EBF1: variants seen among roughly 807,000 people sequenced by gnomAD.
EBF1 encodes the protein transcription factor COE1.
EBF1 carries 10 observed loss-of-function variants against 68.4 expected under a neutral mutation model. That is an observed-to-expected ratio of 0.15 (90% CI 0.09 to 0.25). The LOEUF (loss-of-function observed/expected upper bound fraction) is 0.25. EBF1 is among the 10% of genes least tolerant of loss of function. The pLI is 1.00. For missense variants in EBF1, 509 were observed against 794.4 expected, an observed-to-expected ratio of 0.64 and a Z score of 4.32; for synonymous variants, 298 against 299.8, an observed-to-expected ratio of 0.99 and a Z score of 0.06.
intron 6 of EBF1, among the ~76,000 whole-genome samples, chr5:158,949,346 G>A (rs1003203706): frequency 2.0e-5 from 3 of 152,082 alleles, no homozygotes. Context: ...TTTTCATTAT[G>A]GGCAAGGTGC....
intron 12 of EBF1, 122 bp from the exon 13 acceptor site, chr5:158,713,269 C>A: frequency 1.2e-6 from 1 of 840,904 alleles, no homozygotes; most frequent in Non-Finnish European, 1.6e-6. Flanking sequence ...ACTTCTGTGA[C>A]CCTCATGACA....
chr5:158,741,445 T>G (rs557834401), intron 10 of EBF1, among the ~76,000 whole-genome samples: 82 of 152,086 alleles, frequency 5.4e-4, no homozygotes, highest in African/African-American at 1.7e-3. Context: ...CATGGTGGTA[T>G]ATGACTGTGG....
At chr5:158,699,574 A>G (rs963289330) in intron 15 of EBF1, among the ~76,000 whole-genome samples, 1 of 152,206 alleles carries the variant, frequency 6.6e-6, no homozygotes, top group African/African-American at 2.4e-5. Context: ...TTCTACAAAA[A>G]ACTTGGCATT....
chr5:158,982,129 C>G (rs1758023184), intron 6 of EBF1, among the ~76,000 whole-genome samples: 1 of 152,158 alleles, frequency 6.6e-6, no homozygotes, highest in African/African-American at 2.4e-5. Context: ...AAACTACACG[C>G]TAATTGAAAC....
intron 5 of EBF1, among the ~76,000 whole-genome samples, chr5:159,075,051 T>C (rs886909530): frequency 1.3e-5 from 2 of 152,196 alleles, no homozygotes; most frequent in African/African-American, 2.4e-5. Flanking sequence ...CTTCTCAGAA[T>C]AGTATAGTGG....
At chr5:158,999,664 G>T (rs1762135017) in intron 6 of EBF1, among the ~76,000 whole-genome samples, 1 of 152,136 alleles carries the variant, frequency 6.6e-6, no homozygotes, top group African/African-American at 2.4e-5. Flanking sequence ...GTTGCTGATG[G>T]TCTCAAAATT....
At chr5:158,705,410 C>T (rs1181112520) in intron 15 of EBF1, among the ~76,000 whole-genome samples, 1 of 152,226 alleles carries the variant, frequency 6.6e-6, no homozygotes, top group Non-Finnish European at 1.5e-5. Context: ...GTGAATCCAG[C>T]ACAAGGTGTG....
At position 158,883,463 on chromosome 5, in the gene EBF1, C is replaced by T. The variant is rs150628176; in HGVS notation, c.555-43353G>A. 6.4e-3 allele frequency among the ~76,000 whole-genome samples: 965 copies of T among 150,782 alleles called. 8 individuals are homozygous for T. Among genetic ancestry groups the T allele is most frequent in the Non-Finnish European group, 0.01 (711 of 67,878 alleles). On this transcript the variant is annotated intron_variant, in intron 6 of 15. Coordinates refer to ENST00000313708, the MANE Select transcript of EBF1 (RefSeq NM_024007.5). ...ACATACACATATCAGTATAAAGAAACGCATACCCAGGTGATGCAGAGAGTT... is the reference window on the plus strand; with the variant it reads ...ACATACACATATCAGTATAAAGAAATGCATACCCAGGTGATGCAGAGAGTT...
chr5:158,998,859 A>G (rs1051848194), intron 6 of EBF1, among the ~76,000 whole-genome samples: 12 of 152,164 alleles, frequency 7.9e-5, no homozygotes, highest in African/African-American at 2.9e-4. Flanking sequence ...GACTTGATCA[A>G]ACAGATCTTT....
intron 6 of EBF1, among the ~76,000 whole-genome samples, chr5:159,028,294 C>T (rs1463598501): frequency 6.6e-6 from 1 of 152,154 alleles, no homozygotes; most frequent in Non-Finnish European, 1.5e-5. Context: ...TATCCAGGAA[C>T]TTGGTGACAA....
chr5:159,046,876 T>C (rs1772514662), intron 6 of EBF1, among the ~76,000 whole-genome samples: 1 of 152,200 alleles, frequency 6.6e-6, no homozygotes, highest in Non-Finnish European at 1.5e-5. Context: ...GCTACCAATG[T>C]GATATCACTG....
At chr5:158,837,576 A>C (rs1789097209) in intron 7 of EBF1, among the ~76,000 whole-genome samples, 1 of 152,238 alleles carries the variant, frequency 6.6e-6, no homozygotes, top group Admixed American at 6.5e-5. Flanking sequence ...CCTTTCTACT[A>C]AACAAAGAAT....
At chr5:159,040,268 C>G (rs762166019) in intron 6 of EBF1, among the ~76,000 whole-genome samples, 1 of 152,084 alleles carries the variant, frequency 6.6e-6, no homozygotes, top group African/African-American at 2.4e-5. Flanking sequence ...AAAGAGGAAG[C>G]GCTTAAATAT....
At chr5:158,863,425 T>G (rs1795310392) in intron 6 of EBF1, among the ~76,000 whole-genome samples, 1 of 152,320 alleles carries the variant, frequency 6.6e-6, no homozygotes, top group African/African-American at 2.4e-5. Flanking sequence ...GAGAGTAAGA[T>G]CCTCGAAGAT....
At chr5:159,085,949 C>G (rs769547902) in intron 4 of EBF1, among the ~76,000 whole-genome samples, 1 of 151,978 alleles carries the variant, frequency 6.6e-6, no homozygotes, top group African/African-American at 2.4e-5. Flanking sequence ...TATCTGATCC[C>G]GTTACAAAAT....
intron 15 of EBF1, among the ~76,000 whole-genome samples, 175 bp from the exon 16 acceptor site, chr5:158,699,317 G>A (rs1341711075): frequency 2.0e-5 from 3 of 151,838 alleles, no homozygotes; most frequent in African/African-American, 7.3e-5. Flanking sequence ...ATATACATGT[G>A]CTTTATTAAA....
intron 7 of EBF1, among the ~76,000 whole-genome samples, chr5:158,839,350 T>G (rs1789634030): frequency 6.6e-6 from 1 of 152,152 alleles, no homozygotes; most frequent in Non-Finnish European, 1.5e-5. Context: ...TTTTACCAGT[T>G]GTACTCTTTA....
At chr5:158,958,338 A>G (rs967207737) in intron 6 of EBF1, among the ~76,000 whole-genome samples, 3 of 151,920 alleles carry the variant, frequency 2.0e-5, no homozygotes, top group Non-Finnish European at 4.4e-5. Context: ...GTTGTGACCC[A>G]CTCCTGTTAA....
intron 6 of EBF1, among the ~76,000 whole-genome samples, chr5:158,868,475 T>G (rs891067460): frequency 2.6e-5 from 4 of 152,308 alleles, no homozygotes; most frequent in Non-Finnish European, 4.4e-5. Flanking sequence ...GGTTTGTTTG[T>G]TTTTTTCTGG....
Sources: allele counts gnomAD v4.1 joint callset (sites outside exome capture counted in the v4.1 genomes callset), GRCh38; gene constraint gnomAD v4.1.1; transcripts MANE v1.5; gene names NCBI Gene and HGNC (gene_info 2026-07-23, HGNC 2026-07-21).